Variants in FSIP1 observed in about 807,000 individuals in gnomAD.
FSIP1 encodes the protein fibrous sheath interacting protein 1.
In FSIP1, 65 loss-of-function variants were observed where a neutral mutation model predicts 60.9. The ratio of observed to expected loss-of-function variants is 1.07; its 90% CI spans 0.87 to 1.31. The LOEUF (loss-of-function observed/expected upper bound fraction) is 1.31, where lower values mean the gene tolerates loss of function less well. Among genes scored for constraint, FSIP1 ranks in the 40% most tolerant of loss-of-function variants. The pLI is 0.00. For missense variants in FSIP1, 675 were observed against 665.5 expected (o/e 1.01, Z -0.16); for synonymous variants, 209 against 221.2 (o/e 0.94, Z 0.49).
chr15:39,665,501 CACTTAACACTAATTT>C (rs1893461585), intron 10 of FSIP1, among the ~76,000 whole-genome samples: 3 of 152,086 alleles, frequency 2.0e-5, no homozygotes, highest in African/African-American at 7.2e-5. Flanking sequence ...AGCAGGGTAC[CACTTAACACTAATTT>C]AATGGAAAGA....
intron 10 of FSIP1, among the ~76,000 whole-genome samples, chr15:39,655,673 G>A (rs1893041958): frequency 6.6e-6 from 1 of 152,158 alleles, no homozygotes; most frequent in Non-Finnish European, 1.5e-5. Context: ...AATACTAGTT[G>A]CTGGTATGCA....
rs202068379 is a variant in FSIP1, at chr15:39,742,077, C to T, written c.560-177G>A. 5.3e-5 allele frequency among the ~76,000 whole-genome samples: 8 copies of T among 152,280 alleles called. No homozygotes were observed. The East Asian group carries it at 1.2e-3, about 22-fold the overall frequency. On this transcript the variant is annotated intron_variant, in intron 5 of 11. Transcript: ENST00000350221. The stretch of plus-strand genomic sequence containing the variant: ...ACCTCCAAGTAGAAATGACAATCAC[C>T]TTTGTATACAGGAGCCAAATGAAAC...
intron 3 of FSIP1, among the ~76,000 whole-genome samples, chr15:39,766,433 C>A (rs139498902): frequency 0.01 from 1,598 of 152,252 alleles, 27 homozygotes; most frequent in African/African-American, 0.036. Flanking sequence ...GTTTTAAGTG[C>A]TTTATTTTTA....
chr15:39,749,253 T>A (rs1471716772), intron 5 of FSIP1, among the ~76,000 whole-genome samples: 1 of 39,250 alleles, frequency 2.5e-5, no homozygotes. Context: ...CAATACTTCT[T>A]AAACTCTTCC....
chr15:39,611,290 C>G (rs58368477), intron 11 of FSIP1, among the ~76,000 whole-genome samples: 1 of 151,894 alleles, frequency 6.6e-6, no homozygotes, highest in Non-Finnish European at 1.5e-5. Context: ...TTAAAATAGC[C>G]TGTTATAATA....
In FSIP1 at chr15:39,729,506, C is replaced by G. The variant is rs527638903; in HGVS notation, c.892-2759G>C. 3.3e-5 allele frequency among the ~76,000 whole-genome samples: 5 copies of G among 151,984 alleles called. No individual in the cohort carries two copies. In the South Asian group the frequency reaches 1.0e-3, roughly 32 times the overall value. On this transcript the variant is annotated intron_variant, in intron 8 of 11. Transcript: ENST00000350221. ...GGAGGATCACTTGAGCCTGAGAGGT[C>G]GAAGCTGCAGTGAGCCATGACGACA...
At chr15:39,651,297 A>G (rs559369717) in intron 10 of FSIP1, among the ~76,000 whole-genome samples, 1 of 152,360 alleles carries the variant, frequency 6.6e-6, no homozygotes, top group African/African-American at 2.4e-5. Flanking sequence ...GAAATGATGA[A>G]TGTCAAAACA....
At chr15:39,725,721 T>C (rs1309205854) in intron 9 of FSIP1, among the ~76,000 whole-genome samples, 1 of 152,112 alleles carries the variant, frequency 6.6e-6, no homozygotes, top group Non-Finnish European at 1.5e-5. Flanking sequence ...CCAGATTCCA[T>C]GAAGTACTAA....
intron 10 of FSIP1, among the ~76,000 whole-genome samples, chr15:39,632,747 C>T (rs1054119210): frequency 3.3e-5 from 5 of 151,958 alleles, no homozygotes; most frequent in Admixed American, 6.6e-5. Context: ...GAGCCGAGAT[C>T]GGCCACTGCA....
intron 9 of FSIP1, among the ~76,000 whole-genome samples, chr15:39,722,879 A>G (rs1297061789): frequency 6.6e-6 from 1 of 152,064 alleles, no homozygotes; most frequent in Non-Finnish European, 1.5e-5. Context: ...GCAGCAAGCC[A>G]TGATTGCACC....
chr15:39,774,313 T>C (rs186718773), intron 2 of FSIP1, among the ~76,000 whole-genome samples: 4 of 152,162 alleles, frequency 2.6e-5, no homozygotes, highest in African/African-American at 9.6e-5. Flanking sequence ...TGAAACCCCA[T>C]ATCTACTAAA....
At chr15:39,728,913 A>C (rs570719318) in intron 8 of FSIP1, among the ~76,000 whole-genome samples, 8 of 152,346 alleles carry the variant, frequency 5.3e-5, no homozygotes, top group African/African-American at 1.9e-4. Context: ...TAATAAGCAA[A>C]GAGCAAAGTA....
At chr15:39,674,390 G>A (rs556797817) in intron 10 of FSIP1, among the ~76,000 whole-genome samples, 4 of 152,246 alleles carry the variant, frequency 2.6e-5, no homozygotes, top group South Asian at 2.1e-4. Flanking sequence ...TCGTACATGG[G>A]TCGTTCATGG....
chr15:39,617,776 T>G lies in FSIP1; in HGVS notation c.1658A>C (p.Asp553Ala). Residue 553 changes from aspartate (D) to alanine (A), a missense_variant, in exon 11 of 12, where the codon GAC (aspartate) becomes GCC (alanine). Coordinates refer to ENST00000350221, the MANE Select transcript of FSIP1 (RefSeq NM_152597.5). ...TGGAGAACTGAGTTTCAGATGTTGG[T>G]CTTCTGATGAAAGGCTCACACTGAT... ...YGISVSLSSE[D>A]QHLKLSSPEN... The G allele has an allele frequency of 6.2e-7, 1 of 1,613,864 alleles. No homozygotes were observed. The highest frequency in any genetic ancestry group is 8.5e-7 in the Non-Finnish European group (1 of 1,179,820).
intron 10 of FSIP1, among the ~76,000 whole-genome samples, chr15:39,663,500 A>C (rs768480794): frequency 1.3e-5 from 2 of 152,208 alleles, no homozygotes; most frequent in Non-Finnish European, 2.9e-5. Context: ...CATGGAGTAA[A>C]GGGAAGGTAA....
chr15:39,646,482 G>C (rs540132167), intron 10 of FSIP1, among the ~76,000 whole-genome samples: 1 of 124,266 alleles, frequency 8.0e-6, no homozygotes, highest in Non-Finnish European at 1.6e-5. Context: ...CCAGGAGTTC[G>C]AGACAGGCCT....
At chr15:39,673,637 T>C (rs1412705229) in intron 10 of FSIP1, among the ~76,000 whole-genome samples, 1 of 152,188 alleles carries the variant, frequency 6.6e-6, no homozygotes, top group East Asian at 1.9e-4. Context: ...CATTTATCTC[T>C]CCTTAATGGT....
intron 10 of FSIP1, among the ~76,000 whole-genome samples, chr15:39,655,917 A>G (rs982647393): frequency 6.6e-6 from 1 of 152,128 alleles, no homozygotes; most frequent in Admixed American, 6.6e-5. Flanking sequence ...GACAGAGAAA[A>G]TTAATACATT....
chr15:39,672,203 G>A (rs530909348), intron 10 of FSIP1, among the ~76,000 whole-genome samples: 12 of 152,342 alleles, frequency 7.9e-5, no homozygotes, highest in Admixed American at 3.9e-4. Context: ...AGATGAAGGC[G>A]TCAAGATGAA....
Sources: gnomAD v4.1 joint callset for allele counts (sites outside exome capture counted in the v4.1 genomes callset) on GRCh38, gnomAD v4.1.1 for gene constraint, MANE v1.5 for transcripts, NCBI Gene and HGNC (gene_info 2026-07-23, HGNC 2026-07-21) for gene names.